Variants in DET1 observed in about 807,000 individuals in gnomAD.
DET1 encodes the protein DET1 homolog.
In DET1, 22 loss-of-function variants were observed where a neutral mutation model predicts 43.7. The ratio of observed to expected loss-of-function variants is 0.50; its 90% CI spans 0.36 to 0.72. The LOEUF is 0.72. Among genes scored for constraint, DET1 ranks in the 30% least tolerant of loss-of-function variants. DET1 has a pLI of 0.00. For missense variants in DET1, 713 were observed against 713.3 expected (o/e 1.00, Z 0.00); for synonymous variants, 315 against 266.2 (o/e 1.18, Z -1.79).
downstream of DET1, among the ~76,000 whole-genome samples, chr15:88,509,343 G>A (rs1318706037): frequency 6.6e-6 from 1 of 152,148 alleles, no homozygotes; most frequent in Non-Finnish European, 1.5e-5. Flanking sequence ...TGAAGTGAGA[G>A]GCAAAGGTGC....
At chr15:88,535,681 G>C (rs1046991099) in intron 1 of DET1, among the ~76,000 whole-genome samples, 1 of 151,982 alleles carries the variant, frequency 6.6e-6, no homozygotes, top group African/African-American at 2.4e-5. Flanking sequence ...ACTTGAGCCT[G>C]GGAAGCAGAG....
chr15:88,502,912 A>C (rs777813263), intron 8 of DET1: 1 of 152,224 alleles, frequency 6.6e-6, no homozygotes, highest in East Asian at 1.9e-4. Flanking sequence ...CCTGGCCCTT[A>C]GCAGGTCCTC....
intron 1 of DET1, among the ~76,000 whole-genome samples, chr15:88,533,250 A>T (rs1218159084): frequency 6.6e-6 from 1 of 152,220 alleles, no homozygotes; most frequent in African/African-American, 2.4e-5. Flanking sequence ...CCTCACACCC[A>T]TTAGAACGAC....
At chr15:88,510,249 G>C (rs986571289), downstream of DET1, among the ~76,000 whole-genome samples, 4 of 152,162 alleles carry the variant, frequency 2.6e-5, no homozygotes, top group African/African-American at 9.7e-5. Context: ...TCTAAGATAG[G>C]ATCAATGGAA....
chr15:88,530,036 T>C (rs1435662985), intron 2 of DET1, among the ~76,000 whole-genome samples: 1 of 152,226 alleles, frequency 6.6e-6, no homozygotes, highest in Non-Finnish European at 1.5e-5. Context: ...CCTTTTGACC[T>C]CTTCACTGCT....
chr15:88,525,301 C>T (rs1336471887), intron 3 of DET1, among the ~76,000 whole-genome samples: 3 of 152,124 alleles, frequency 2.0e-5, no homozygotes, highest in East Asian at 1.9e-4. Context: ...ATTTAAAAAT[C>T]GACTTAAAAA....
At chr15:88,530,175 A>G (rs993946352) in intron 2 of DET1, among the ~76,000 whole-genome samples, 5 of 152,262 alleles carry the variant, frequency 3.3e-5, no homozygotes, top group African/African-American at 7.2e-5. Flanking sequence ...AAGTAAATTG[A>G]CATTAACCAT....
chr15:88,502,670 C>T (rs2056100493), intron 8 of DET1: 1 of 152,222 alleles, frequency 6.6e-6, no homozygotes, highest in South Asian at 2.1e-4. Context: ...ATTAATGAAA[C>T]ATTACATGGA....
chr15:88,521,730 G>C (rs1362513302), intron 3 of DET1, among the ~76,000 whole-genome samples: 1 of 151,976 alleles, frequency 6.6e-6, no homozygotes, highest in African/African-American at 2.4e-5. Context: ...ATGACTTCAA[G>C]CTTTCAGTAT....
rs917093241 is a variant in DET1, at chr15:88,515,598, C to T, written c.1463+1184G>A. On this transcript the variant is annotated intron_variant, in intron 4 of 4. Coordinates refer to ENST00000268148, the MANE Select transcript of DET1 (RefSeq NM_001144074.3). ...GAAGGGACCAAATGCAATGCATGAA[C>T]CTTGTTTGAATCTGATGCAAACAAA... Among the ~76,000 whole-genome samples, 3 of 135,004 alleles carry T rather than the reference C, an allele frequency of 2.2e-5. No homozygotes were observed. The East Asian group carries it at 6.4e-4, about 29-fold the overall frequency. The allele number at this position is 135,004 out of a possible 152,430, so 88.6% of individuals were successfully genotyped here.
chr15:88,511,251 C>T (rs1413382522), downstream of DET1, among the ~76,000 whole-genome samples: 1 of 152,116 alleles, frequency 6.6e-6, no homozygotes, highest in Non-Finnish European at 1.5e-5. Context: ...CTATTCCCTC[C>T]AAGCCATCTT....
rs34945813 is a variant in DET1, at chr15:88,539,448, TAAAAAAAA to T, written c.-11+7084_-11+7091del. Among the ~76,000 whole-genome samples the T allele has an allele frequency of 1.3e-4, 13 of 96,458 alleles. No individual in the cohort carries two copies. In the South Asian group the frequency reaches 2.9e-3, roughly 21 times the overall value. 63.3% of individuals were successfully genotyped at this position (96,458 alleles called of 152,430 possible). A position where few individuals can be genotyped will look rare whatever the true frequency, so the allele number is the denominator to read the frequency against. ...ACGGGAGGGCCCCCCCTTGTCTGTC[TAAAAAAAA>T]AAAAAAAAAAAAAAAGGAAAAAACT... On this transcript the variant is annotated intron_variant, in intron 1 of 4. Coordinates refer to ENST00000268148, the MANE Select transcript of DET1 (RefSeq NM_001144074.3).
At chr15:88,534,835 C>T (rs533204180) in intron 1 of DET1, among the ~76,000 whole-genome samples, 1 of 152,328 alleles carries the variant, frequency 6.6e-6, no homozygotes, top group African/African-American at 2.4e-5. Flanking sequence ...AGCCAAAAAT[C>T]ACCAACATCC....
downstream of DET1, chr15:88,512,479 A>G (rs1252938875): frequency 1.0e-6 from 1 of 986,768 alleles, no homozygotes; most frequent in African/African-American, 1.7e-5. Flanking sequence ...AACCACATAT[A>G]TTTAAGTATG....
At chr15:88,532,323 C>T (rs531785651) in intron 1 of DET1, among the ~76,000 whole-genome samples, 3 of 152,116 alleles carry the variant, frequency 2.0e-5, no homozygotes, top group East Asian at 1.9e-4. Flanking sequence ...ACAAAAAAAT[C>T]ATATTCAATG....
Position 88,542,812 on chromosome 15 carries a change from G to T in DET1, c.-11+3728C>A, listed in dbSNP as rs537733540. Among the ~76,000 whole-genome samples, 3 of 151,988 alleles carry T rather than the reference G, an allele frequency of 2.0e-5. No homozygotes were observed. In the East Asian group the frequency reaches 5.8e-4, roughly 29 times the overall value. On this transcript the variant is annotated intron_variant, in intron 1 of 4. Transcript: ENST00000268148. ...GGGTTCCCACCAGAAAAGTAAAAGA[G>T]GTGAACAGGCCTCTCTAGGAAAAGA...
intron 1 of DET1, among the ~76,000 whole-genome samples, chr15:88,540,463 T>TAA (rs531746270): frequency 2.2e-5 from 3 of 136,716 alleles, no homozygotes; most frequent in Admixed American, 7.3e-5. Flanking sequence ...AATTGCCTTC[T>TAA]AAAAAAAAAA....
At chr15:88,521,655 T>G (rs1225608496) in intron 3 of DET1, among the ~76,000 whole-genome samples, 2 of 152,106 alleles carry the variant, frequency 1.3e-5, no homozygotes, top group Admixed American at 6.5e-5. Flanking sequence ...TCCACCCTAT[T>G]ATTTGGATAT....
chr15:88,517,857 A>G (rs1567059699), intron 3 of DET1, among the ~76,000 whole-genome samples: 1 of 152,250 alleles, frequency 6.6e-6, no homozygotes, highest in Non-Finnish European at 1.5e-5. Context: ...AGTAACATAC[A>G]TAGAGTCATA....
Sources: gnomAD v4.1 joint callset for allele counts (sites outside exome capture counted in the v4.1 genomes callset) on GRCh38, gnomAD v4.1.1 for gene constraint, MANE v1.5 for transcripts, NCBI Gene and HGNC (gene_info 2026-07-23, HGNC 2026-07-21) for gene names.